Variants in CDK5RAP2 observed in about 807,000 individuals in gnomAD.
CDK5RAP2 encodes the protein CDK5 regulatory subunit associated protein 2.
Under a neutral mutation model 232.9 loss-of-function variants are expected in CDK5RAP2, and 147 were observed. The ratio of observed to expected loss-of-function variants is 0.63; its 90% CI spans 0.55 to 0.72. The LOEUF (loss-of-function observed/expected upper bound fraction) is 0.72. CDK5RAP2 is among the 30% of genes least tolerant of loss of function. CDK5RAP2 has a pLI of 0.00. For missense variants in CDK5RAP2, 2,195 were observed against 2,231.5 expected (o/e 0.98, Z 0.33); for synonymous variants, 833 against 833.7 (o/e 1.00, Z 0.01).
At chr9:120,422,497 G>C (rs1306507217) in intron 26 of CDK5RAP2, among the ~76,000 whole-genome samples, 196 bp downstream of exon 26, 1 of 152,192 alleles carries the variant, frequency 6.6e-6, no homozygotes, top group African/African-American at 2.4e-5. Context: ...TGAAATGAAT[G>C]AATGAAAGCA....
rs541078961 is a variant in CDK5RAP2, at chr9:120,403,641, G to A, written c.5041+395C>T. On this transcript the variant is annotated intron_variant, in intron 33 of 37. Transcript: ENST00000349780. This position sits in a 1 kb window ranked among gnomAD's most constrained non-coding sequence, Gnocchi z 4.2. Reference sequence around the variant, plus strand: ...GAAACGGGACTTCTACCGGCAAAGAGTGGGACAAAGGGGGTCTAAAAGTCA... The same window carrying A: ...GAAACGGGACTTCTACCGGCAAAGAATGGGACAAAGGGGGTCTAAAAGTCA... 3.2e-6 allele frequency: 1 copy of A among 316,514 alleles called. No individual in the cohort carries two copies. The highest frequency in any genetic ancestry group is 4.6e-5 in the Admixed American group (1 of 21,616). 19.6% of individuals were successfully genotyped at this position (316,514 alleles called of 1,614,324 possible). A position where few individuals can be genotyped will look rare whatever the true frequency, so the allele number is the denominator to read the frequency against.
At chr9:120,536,981 A>G (rs2041420116) in intron 6 of CDK5RAP2, among the ~76,000 whole-genome samples, 1 of 151,866 alleles carries the variant, frequency 6.6e-6, no homozygotes, top group Non-Finnish European at 1.5e-5. Context: ...CAGTTGGGAA[A>G]AAAAAAAAAA....
intron 35 of CDK5RAP2, among the ~76,000 whole-genome samples, chr9:120,395,150 A>C (rs1468184005): frequency 1.3e-5 from 2 of 152,204 alleles, no homozygotes; most frequent in Non-Finnish European, 2.9e-5. Context: ...AAAAATGATC[A>C]CAGTTAGTGA....
At chr9:120,561,489 G>T (rs934929368) in intron 3 of CDK5RAP2, among the ~76,000 whole-genome samples, 1 of 151,784 alleles carries the variant, frequency 6.6e-6, no homozygotes, top group African/African-American at 2.4e-5. Flanking sequence ...TTGTAGAAAT[G>T]GGGTCTCACT....
chr9:120,415,671 T>C (rs1395458520), intron 27 of CDK5RAP2, among the ~76,000 whole-genome samples: 2 of 152,244 alleles, frequency 1.3e-5, no homozygotes, highest in Admixed American at 6.5e-5. Flanking sequence ...ATAAGAAAAG[T>C]GATCTCAACA....
intron 5 of CDK5RAP2, among the ~76,000 whole-genome samples, chr9:120,540,914 C>A (rs2041604589): frequency 6.6e-6 from 1 of 152,228 alleles, no homozygotes; most frequent in Non-Finnish European, 1.5e-5. Flanking sequence ...TCTCCGCTGG[C>A]CAAAGCCAAG....
intron 10 of CDK5RAP2, among the ~76,000 whole-genome samples, chr9:120,525,640 C>T (rs1366554340): frequency 1.3e-5 from 2 of 151,878 alleles, no homozygotes; most frequent in African/African-American, 2.4e-5. Context: ...TCCTTTGAGA[C>T]GGGGTCTTGC....
intron 23 of CDK5RAP2, chr9:120,440,200 T>C: frequency 1.7e-6 from 1 of 576,454 alleles, no homozygotes; most frequent in Non-Finnish European, 3.1e-6. Context: ...AGTTGTCCTC[T>C]TCCTCAGAGT....
chr9:120,475,325 G>C (rs1021148587), intron 15 of CDK5RAP2, among the ~76,000 whole-genome samples: 4 of 152,110 alleles, frequency 2.6e-5, no homozygotes, highest in African/African-American at 9.7e-5. Flanking sequence ...TGTTAGTCCC[G>C]GTTAGTCTTT....
intron 8 of CDK5RAP2, 79 bp downstream of exon 8, chr9:120,529,899 G>A: frequency 7.4e-7 from 1 of 1,350,736 alleles, no homozygotes; most frequent in Non-Finnish European, 1.1e-6. Context: ...GAACCATGAG[G>A]ACCGAATGCG....
At chr9:120,434,223 G>T (rs934051841) in intron 25 of CDK5RAP2, among the ~76,000 whole-genome samples, 2 of 152,110 alleles carry the variant, frequency 1.3e-5, no homozygotes, top group Non-Finnish European at 2.9e-5. Context: ...TTGAGACAAG[G>T]CCTGAAGGGA....
chr9:120,446,801 C>T (rs1366969777), intron 22 of CDK5RAP2, among the ~76,000 whole-genome samples: 10 of 152,166 alleles, frequency 6.6e-5, no homozygotes, highest in African/African-American at 4.8e-5. Context: ...ATGACTAGTG[C>T]ACTCATTTCC....
chr9:120,439,056 C>T (rs1408802119), intron 24 of CDK5RAP2, among the ~76,000 whole-genome samples: 1 of 152,170 alleles, frequency 6.6e-6, no homozygotes, highest in Non-Finnish European at 1.5e-5. Context: ...TCCAGGAGTA[C>T]ACACTGCAGT....
At position 120,408,434 on chromosome 9, in the gene CDK5RAP2, G is replaced by C; in HGVS notation, c.4639C>G (p.Leu1547Val). The C allele has an allele frequency of 6.2e-7, 1 of 1,614,086 alleles. No individual in the cohort carries two copies. Among genetic ancestry groups the C allele is most frequent in the Non-Finnish European group, 8.5e-7 (1 of 1,179,952 alleles). ...TGCAATAGCTTGTCATTCTGTGAGAGCAGCTGCTGCCTCAACTTCACCTCC... is the reference window on the plus strand; with the variant it reads ...TGCAATAGCTTGTCATTCTGTGAGACCAGCTGCTGCCTCAACTTCACCTCC... ...QEEVKLRQQL[L>V]SQNDKLLQSL... is the part of the protein sequence containing the mutation. Residue 1547 changes from leucine (L) to valine (V), a missense_variant, in exon 31 of 38, where the codon CTC becomes GTC. Physicochemically the swap from Leu to Val is conservative, Grantham distance 32. Coordinates refer to ENST00000349780, the MANE Select transcript of CDK5RAP2 (RefSeq NM_018249.6).
intron 25 of CDK5RAP2, among the ~76,000 whole-genome samples, chr9:120,427,371 C>A (rs1280388389): frequency 6.6e-6 from 1 of 152,236 alleles, no homozygotes. Context: ...ATTGGACAAG[C>A]TTAAATAATG....
intron 27 of CDK5RAP2, among the ~76,000 whole-genome samples, chr9:120,417,577 C>A (rs1209817344): frequency 6.6e-6 from 1 of 152,240 alleles, no homozygotes; most frequent in Non-Finnish European, 1.5e-5. Context: ...TGCCATCTTC[C>A]ACTGAGTCTT....
At position 120,530,149 on chromosome 9, in the gene CDK5RAP2, G is replaced by T; in HGVS notation, c.663-9C>A. 1 of 1,608,860 alleles carries T rather than the reference G, an allele frequency of 6.2e-7. No homozygotes were observed. The highest frequency in any genetic ancestry group is 1.1e-5 in the South Asian group (1 of 90,766). On this transcript the variant is annotated splice_polypyrimidine_tract_variant and intron_variant, in intron 7 of 37. Transcript: ENST00000349780. ...TCAACTCCTCAATCAGTCTAAAAGA[G>T]AACAAAATTTAAATATTAATTCTAA...
rs2033231471 is a variant in CDK5RAP2, at chr9:120,403,673, G to A, written c.5041+363C>T. On this transcript the variant is annotated intron_variant, in intron 33 of 37. Coordinates refer to ENST00000349780, the MANE Select transcript of CDK5RAP2 (RefSeq NM_018249.6). The surrounding 1 kb of genome is among the most constrained non-coding windows in gnomAD (Gnocchi z 4.2). ...AAAGGGGGTCTAAAAGTCACAGTGA[G>A]AGGAAAGTGTGGGCCTGTCTGCAGG... 1.4e-5 allele frequency: 5 copies of A among 356,730 alleles called. No individual in the cohort carries two copies. The East Asian group carries it at 2.0e-4, about 14-fold the overall frequency. 22.1% of individuals were successfully genotyped at this position (356,730 alleles called of 1,614,324 possible).
chr9:120,478,366 C>T (rs1278865233), intron 14 of CDK5RAP2, among the ~76,000 whole-genome samples: 1 of 152,120 alleles, frequency 6.6e-6, no homozygotes, highest in Non-Finnish European at 1.5e-5. Context: ...ACAGTGGTTG[C>T]CAGGGGCTGG....
Sources: allele counts gnomAD v4.1 joint callset (sites outside exome capture counted in the v4.1 genomes callset), GRCh38; gene constraint gnomAD v4.1.1; non-coding constraint Gnocchi (gnomAD v3.1); transcripts MANE v1.5; gene names NCBI Gene and HGNC (gene_info 2026-07-23, HGNC 2026-07-21).